The following DPYD variants were observed in gnomAD, a reference collection of about 807,000 sequenced individuals.
DPYD encodes dihydropyrimidine dehydrogenase [NADP(+)].
A neutral mutation model predicts 116.2 loss-of-function variants in DPYD; 109 were observed. The ratio of observed to expected loss-of-function variants is 0.94; its 90% CI spans 0.80 to 1.10. The LOEUF (loss-of-function observed/expected upper bound fraction) is 1.10, where lower values mean the gene tolerates loss of function less well. Ranked by LOEUF, DPYD falls within the 50% of genes least tolerant of loss-of-function variation. DPYD has a pLI of 0.00. For missense variants in DPYD, 1,302 were observed against 1,254.5 expected (o/e 1.04, Z -0.57); for synonymous variants, 440 against 432.0 (o/e 1.02, Z -0.23).
intron 16 of DPYD, among the ~76,000 whole-genome samples, chr1:97,326,946 A>C (rs1668739676): frequency 6.6e-6 from 1 of 152,080 alleles, no homozygotes; most frequent in African/African-American, 2.4e-5. Context: ...TTATGTTACA[A>C]GGCAATAAGT....
chr1:97,858,487 G>A (rs1034844474), intron 2 of DPYD, among the ~76,000 whole-genome samples: 1 of 152,088 alleles, frequency 6.6e-6, no homozygotes, highest in Non-Finnish European at 1.5e-5. Context: ...TGAATAAATT[G>A]CTTCCTTTCT....
Position 97,365,258 on chromosome 1 carries a change from T to A in DPYD, c.2058+8303A>T, listed in dbSNP as rs1343689328. ...CTTCCAATATTCTAGGCCAGTCAGA[T>A]CACGTAACTAGACCCTCCCTTTTCC... On this transcript the variant is annotated intron_variant, in intron 16 of 22. Transcript: ENST00000370192. Among the ~76,000 whole-genome samples, 5 of 152,334 alleles carry A rather than the reference T, an allele frequency of 3.3e-5. No homozygotes were observed. The East Asian group carries it at 9.7e-4, about 29-fold the overall frequency.
chr1:97,360,275 AG>A (rs1410235664), intron 16 of DPYD, among the ~76,000 whole-genome samples: 1 of 152,232 alleles, frequency 6.6e-6, no homozygotes, highest in African/African-American at 2.4e-5. Flanking sequence ...CACCCAATAC[AG>A]GAGCACCCAG....
chr1:97,090,461 C>T (rs1165133897), intron 21 of DPYD, among the ~76,000 whole-genome samples: 4 of 152,228 alleles, frequency 2.6e-5, no homozygotes, highest in East Asian at 1.9e-4. Flanking sequence ...TTCGCAAGCA[C>T]GTAGTGATGC....
At chr1:97,484,555 T>C (rs1678512132) in intron 13 of DPYD, among the ~76,000 whole-genome samples, 1 of 152,156 alleles carries the variant, frequency 6.6e-6, no homozygotes, top group Non-Finnish European at 1.5e-5. Flanking sequence ...GGACATCTTC[T>C]CATTTTATAT....
intron 13 of DPYD, among the ~76,000 whole-genome samples, chr1:97,451,583 C>T (rs1676414272): frequency 6.6e-6 from 1 of 152,084 alleles, no homozygotes; most frequent in Non-Finnish European, 1.5e-5. Flanking sequence ...CTTTGATTTG[C>T]TATTGTGAAA....
intron 12 of DPYD, among the ~76,000 whole-genome samples, chr1:97,516,438 T>C (rs1648244437): frequency 6.6e-6 from 1 of 152,014 alleles, no homozygotes; most frequent in African/African-American, 2.4e-5. Context: ...GCAGGAATGC[T>C]GCTTGCCTAA....
intron 12 of DPYD, among the ~76,000 whole-genome samples, chr1:97,534,131 T>C (rs1812389): frequency 0.093 from 14,088 of 152,262 alleles, 865 homozygotes; most frequent in Middle Eastern, 0.19. Context: ...AGGCATTTCA[T>C]TGGCCAACCA....
chr1:97,752,269 A>G (rs913898857), intron 3 of DPYD, among the ~76,000 whole-genome samples: 2 of 150,360 alleles, frequency 1.3e-5, no homozygotes, highest in African/African-American at 4.9e-5. Flanking sequence ...CCCTTTTACA[A>G]AAATAAAAAG....
intron 14 of DPYD, among the ~76,000 whole-genome samples, chr1:97,442,913 A>G (rs1675879206): frequency 6.6e-6 from 1 of 152,238 alleles, no homozygotes; most frequent in East Asian, 1.9e-4. Flanking sequence ...AAAAGTAGGG[A>G]TAAAAACCAA....
At chr1:97,398,517 A>G (rs915352919) in intron 14 of DPYD, among the ~76,000 whole-genome samples, 20 of 150,932 alleles carry the variant, frequency 1.3e-4, no homozygotes, top group African/African-American at 3.4e-4. Context: ...CTGAGGAATC[A>G]CCACACTGAC....
chr1:97,102,725 C>A (rs1312167971), intron 20 of DPYD, among the ~76,000 whole-genome samples: 1 of 151,792 alleles, frequency 6.6e-6, no homozygotes, highest in Non-Finnish European at 1.5e-5. Flanking sequence ...AAAGGCTAAA[C>A]AATTTCCAGA....
At chr1:97,293,241 C>T (rs1429217115) in intron 18 of DPYD, among the ~76,000 whole-genome samples, 1 of 152,014 alleles carries the variant, frequency 6.6e-6, no homozygotes, top group Non-Finnish European at 1.5e-5. Context: ...TTGTCAAGTA[C>T]AAAAGTGACT....
At chr1:97,123,081 A>T (rs1390919358) in intron 20 of DPYD, among the ~76,000 whole-genome samples, 1 of 152,112 alleles carries the variant, frequency 6.6e-6, no homozygotes, top group Non-Finnish European at 1.5e-5. Flanking sequence ...GGAATAGTAA[A>T]ACATGATGCT....
chr1:97,138,172 C>T (rs1251452177), intron 20 of DPYD, among the ~76,000 whole-genome samples: 1 of 152,126 alleles, frequency 6.6e-6, no homozygotes, highest in Non-Finnish European at 1.5e-5. Context: ...TGGATGCACA[C>T]TGAACCTGGC....
chr1:97,328,226 C>T (rs1308645184), intron 16 of DPYD, among the ~76,000 whole-genome samples: 2 of 152,124 alleles, frequency 1.3e-5, no homozygotes, highest in Non-Finnish European at 2.9e-5. Flanking sequence ...CTATGTTATT[C>T]ATAATAGAAT....
chr1:97,529,558 T>C (rs1649411360), intron 12 of DPYD, among the ~76,000 whole-genome samples: 2 of 152,172 alleles, frequency 1.3e-5, no homozygotes, highest in Admixed American at 1.3e-4. Flanking sequence ...GATATATGCA[T>C]ACACTCATGT....
At chr1:97,522,806 AC>A (rs1279475958) in intron 12 of DPYD, among the ~76,000 whole-genome samples, 5 of 152,164 alleles carry the variant, frequency 3.3e-5, no homozygotes, top group Admixed American at 3.3e-4. Context: ...TCACCTTTTC[AC>A]ATGGCATTCC....
At chr1:97,814,152 C>T (rs1351762410) in intron 3 of DPYD, among the ~76,000 whole-genome samples, 1 of 152,070 alleles carries the variant, frequency 6.6e-6, no homozygotes, top group Non-Finnish European at 1.5e-5. Flanking sequence ...AGCAGCAAGG[C>T]ATGGAAGAGC....
Sources: allele counts gnomAD v4.1 joint callset (sites outside exome capture counted in the v4.1 genomes callset), GRCh38; gene constraint gnomAD v4.1.1; transcripts MANE v1.5; gene names NCBI Gene and HGNC (gene_info 2026-07-23, HGNC 2026-07-21).